Variants in NALF1 observed in about 807,000 individuals in gnomAD.
NALF1 encodes the protein NALCN channel auxiliary factor 1, also known as family with sequence similarity 155 member A.
A neutral mutation model predicts 48.4 loss-of-function variants in NALF1; 3 were observed. The observed-to-expected ratio is 0.06, with a 90% CI of 0.03 to 0.16. The LOEUF (loss-of-function observed/expected upper bound fraction) is 0.16, where lower values mean the gene tolerates loss of function less well. NALF1 is among the 10% of genes least tolerant of loss of function. The pLI is 1.00. For synonymous variants in NALF1, 262 were observed against 245.7 expected (o/e 1.07, Z -0.62); for missense variants, 526 against 571.5 (o/e 0.92, Z 0.81).
intron 1 of NALF1, among the ~76,000 whole-genome samples, chr13:107,773,219 T>G (rs367962698): frequency 6.6e-6 from 1 of 152,300 alleles, no homozygotes; most frequent in East Asian, 1.9e-4. Context: ...TTGATCATAC[T>G]CCAGTTTGAT....
intron 1 of NALF1, among the ~76,000 whole-genome samples, chr13:107,476,104 A>G (rs189188892): frequency 2.0e-5 from 3 of 152,290 alleles, no homozygotes; most frequent in African/African-American, 7.2e-5. Flanking sequence ...GAAAAAATAG[A>G]TATTTGAAAG....
intron 1 of NALF1, among the ~76,000 whole-genome samples, chr13:107,633,159 T>C (rs1365176969): frequency 6.6e-6 from 1 of 152,152 alleles, no homozygotes; most frequent in East Asian, 1.9e-4. Context: ...AACATGCTTT[T>C]ATATTTTCAT....
At chr13:107,320,683 C>T (rs546399676) in intron 1 of NALF1, among the ~76,000 whole-genome samples, 33 of 152,110 alleles carry the variant, frequency 2.2e-4, no homozygotes, top group African/African-American at 7.2e-4. Flanking sequence ...ATATCCCAGG[C>T]CCTGTGAAAA....
intron 1 of NALF1, among the ~76,000 whole-genome samples, chr13:107,717,200 T>G (rs1875848234): frequency 6.6e-6 from 1 of 152,172 alleles, no homozygotes. Context: ...AGAATAAACA[T>G]GAGTAAAATC....
intron 1 of NALF1, among the ~76,000 whole-genome samples, chr13:107,267,083 C>T (rs1881055652): frequency 6.6e-6 from 1 of 152,194 alleles, no homozygotes; most frequent in South Asian, 2.1e-4. Context: ...GCCAGGTATA[C>T]AATTCAAGTT....
intron 1 of NALF1, among the ~76,000 whole-genome samples, chr13:107,234,517 G>T (rs7332276): frequency 0.43 from 65,081 of 151,932 alleles, 15,070 homozygotes; most frequent in Non-Finnish European, 0.53. Flanking sequence ...CGGCAGGGCT[G>T]CGAGGGTCCG....
intron 2 of NALF1, among the ~76,000 whole-genome samples, chr13:107,187,791 T>C (rs1879207023): frequency 6.6e-6 from 1 of 152,198 alleles, no homozygotes; most frequent in South Asian, 2.1e-4. Context: ...TCCTCTGCTC[T>C]TTTTAGAGCT....
chr13:107,321,388 G>A (rs1882252035), intron 1 of NALF1, among the ~76,000 whole-genome samples: 1 of 152,074 alleles, frequency 6.6e-6, no homozygotes, highest in Non-Finnish European at 1.5e-5. Flanking sequence ...TGTAGTTTGT[G>A]CAATTTTCCC....
At chr13:107,715,035 A>C (rs921833640) in intron 1 of NALF1, among the ~76,000 whole-genome samples, 1 of 151,992 alleles carries the variant, frequency 6.6e-6, no homozygotes, top group Non-Finnish European at 1.5e-5. Flanking sequence ...TAGTAGGTGT[A>C]TATATTTATG....
intron 1 of NALF1, among the ~76,000 whole-genome samples, chr13:107,571,650 A>G (rs1402706531): frequency 6.6e-6 from 1 of 152,206 alleles, no homozygotes; most frequent in Non-Finnish European, 1.5e-5. Flanking sequence ...GAAGGGGTTC[A>G]TGCTAGTCAG....
At chr13:107,360,067 C>A (rs550613448) in intron 1 of NALF1, among the ~76,000 whole-genome samples, 1 of 152,252 alleles carries the variant, frequency 6.6e-6, no homozygotes, top group African/African-American at 2.4e-5. Flanking sequence ...ATGCAAGAGA[C>A]AAGTTGCAAT....
intron 1 of NALF1, among the ~76,000 whole-genome samples, chr13:107,252,272 C>T (rs566863250): frequency 2.1e-4 from 32 of 152,224 alleles, no homozygotes; most frequent in Admixed American, 3.3e-4. Context: ...CAAAGAGTCA[C>T]GGTTCCCGGC....
chr13:107,660,383 G>A (rs559435386), intron 1 of NALF1, among the ~76,000 whole-genome samples: 20 of 150,272 alleles, frequency 1.3e-4, no homozygotes, highest in Non-Finnish European at 2.4e-4. Context: ...GCAGTAAGCC[G>A]AGATTGCACC....
chr13:107,419,111 G>A (rs1265266314), intron 1 of NALF1, among the ~76,000 whole-genome samples: 1 of 152,164 alleles, frequency 6.6e-6, no homozygotes, highest in Non-Finnish European at 1.5e-5. Context: ...ACAAAGTGCA[G>A]ATTCACTAAG....
At chr13:107,792,660 T>C (rs569628059) in intron 1 of NALF1, among the ~76,000 whole-genome samples, 3 of 152,318 alleles carry the variant, frequency 2.0e-5, no homozygotes, top group Admixed American at 6.5e-5. Flanking sequence ...AATGTGTTTA[T>C]AGGTTTCCAG....
intron 1 of NALF1, among the ~76,000 whole-genome samples, chr13:107,306,283 T>G (rs1881934779): frequency 6.6e-6 from 1 of 152,142 alleles, no homozygotes; most frequent in South Asian, 2.1e-4. Context: ...ACCGTGGTAA[T>G]GGAATCAAAT....
chr13:107,318,114 A>G (rs894701125), intron 1 of NALF1, among the ~76,000 whole-genome samples: 1 of 152,126 alleles, frequency 6.6e-6, no homozygotes, highest in Non-Finnish European at 1.5e-5. Context: ...GAAAAAAGCA[A>G]AGGAAGCAAA....
intron 1 of NALF1, among the ~76,000 whole-genome samples, chr13:107,483,352 G>A (rs181314952): frequency 2.0e-5 from 3 of 152,056 alleles, no homozygotes; most frequent in Non-Finnish European, 4.4e-5. Context: ...TCAATGGCTT[G>A]TCACATTTTA....
chr13:107,182,259 T>C (rs1198650671), intron 2 of NALF1, among the ~76,000 whole-genome samples: 1 of 151,372 alleles, frequency 6.6e-6, no homozygotes, highest in Non-Finnish European at 1.5e-5. Context: ...TGTCCGTGTG[T>C]GTGTGTGTGT....
Sources: gnomAD v4.1 joint callset for allele counts (sites outside exome capture counted in the v4.1 genomes callset) on GRCh38, gnomAD v4.1.1 for gene constraint, MANE v1.5 for transcripts, NCBI Gene and HGNC (gene_info 2026-07-23, HGNC 2026-07-21) for gene names.